The following ASTN1 variants were observed in gnomAD, a reference collection of about 807,000 sequenced individuals.
ASTN1 encodes astrotactin 1.
Under a neutral mutation model 140.7 loss-of-function variants are expected in ASTN1, and 41 were observed. The ratio of observed to expected loss-of-function variants is 0.29; its 90% CI spans 0.23 to 0.38. ASTN1 has a LOEUF of 0.38. Among genes scored for constraint, ASTN1 ranks in the 10% least tolerant of loss-of-function variants. ASTN1 has a pLI of 1.00. For synonymous variants in ASTN1, 640 were observed against 652.2 expected (o/e 0.98, Z 0.29); for missense variants, 1,479 against 1,678.8 (o/e 0.88, Z 2.08).
chr1:176,928,842 C>T (rs554066906), intron 16 of ASTN1, among the ~76,000 whole-genome samples: 5 of 152,210 alleles, frequency 3.3e-5, no homozygotes, highest in East Asian at 1.9e-4. Flanking sequence ...ATGTGTTGAT[C>T]GTCAGGGCCT....
intron 2 of ASTN1, among the ~76,000 whole-genome samples, chr1:177,044,749 G>A (rs975345879): frequency 2.0e-5 from 3 of 152,350 alleles, no homozygotes; most frequent in East Asian, 1.9e-4. Flanking sequence ...GACATCATCC[G>A]CTGGGCCAGT....
chr1:177,102,423 T>C (rs956184750), intron 1 of ASTN1, among the ~76,000 whole-genome samples: 2 of 152,172 alleles, frequency 1.3e-5, no homozygotes, highest in Admixed American at 6.5e-5. Flanking sequence ...CATCAGACTC[T>C]TTCCATTCCA....
chr1:177,059,007 C>T (rs941251630), intron 2 of ASTN1, among the ~76,000 whole-genome samples: 1 of 152,130 alleles, frequency 6.6e-6, no homozygotes, highest in African/African-American at 2.4e-5. Context: ...CCCTAGACTC[C>T]CCTTCTGACA....
intron 1 of ASTN1, among the ~76,000 whole-genome samples, chr1:177,078,966 G>A (rs1325727179): frequency 6.6e-6 from 1 of 152,060 alleles, no homozygotes; most frequent in Non-Finnish European, 1.5e-5. Context: ...AAAAAAGTCT[G>A]GTTTGTTTAT....
At chr1:176,970,591 A>G (rs138568617) in intron 8 of ASTN1, among the ~76,000 whole-genome samples, 37 of 136,206 alleles carry the variant, frequency 2.7e-4, no homozygotes, top group African/African-American at 7.5e-4. Context: ...AGGTAGGTAG[A>G]TAGATAGATA....
rs11484575 is a variant in ASTN1, at chr1:177,142,904, G to A, written c.283+21490C>T. ...AAGGAGCAAGGAGGAAAAAAAAAAA[G>A]GGGGGGAGGGGTGCTGAGTTTCAAG... On this transcript the variant is annotated intron_variant, in intron 1 of 22. Transcript: ENST00000361833. Among the ~76,000 whole-genome samples, 32 of 132,716 alleles carry A rather than the reference G, an allele frequency of 2.4e-4. 1 individual carries two copies. Among genetic ancestry groups the A allele is most frequent in the African/African-American group, 1.1e-3 (30 of 28,562 alleles). The allele number at this position is 132,716 out of a possible 152,430, so 87.1% of individuals were successfully genotyped here. A position where few individuals can be genotyped will look rare whatever the true frequency, so the allele number is the denominator to read the frequency against.
chr1:177,104,773 C>T (rs550867376), intron 1 of ASTN1, among the ~76,000 whole-genome samples: 1 of 152,314 alleles, frequency 6.6e-6, no homozygotes, highest in South Asian at 2.1e-4. Flanking sequence ...CCGACACCAG[C>T]TGCCAGTGAC....
chr1:176,862,201 T>A lies in ASTN1; in HGVS notation c.*2083A>T. On this transcript the variant is annotated 3_prime_UTR_variant, in exon 23 of 23. Transcript: ENST00000361833. ...CAGGTGGGACAGCCAATTTTTCTGCTGATCTTTGCTTTGAAAGTAGGGGAA... is the reference window on the plus strand; with the variant it reads ...CAGGTGGGACAGCCAATTTTTCTGCAGATCTTTGCTTTGAAAGTAGGGGAA... 7.1e-6 allele frequency: 7 copies of A among 985,450 alleles called. No homozygotes were observed. Among genetic ancestry groups the A allele is most frequent in the Non-Finnish European group, 8.4e-6 (7 of 829,932 alleles). 61.0% of individuals were successfully genotyped at this position (985,450 alleles called of 1,614,324 possible).
At chr1:176,985,981 C>G (rs990827906) in intron 8 of ASTN1, among the ~76,000 whole-genome samples, 4 of 151,840 alleles carry the variant, frequency 2.6e-5, no homozygotes, top group Non-Finnish European at 1.5e-5. Context: ...CTCAGGTGGC[C>G]GGTGAGCAGG....
intron 16 of ASTN1, among the ~76,000 whole-genome samples, chr1:176,925,088 C>T (rs1387004501): frequency 6.6e-6 from 1 of 152,120 alleles, no homozygotes; most frequent in Non-Finnish European, 1.5e-5. Flanking sequence ...TAGTTCAGTT[C>T]TTCAATTCTG....
At chr1:176,944,292 C>T (rs1297243068) in intron 13 of ASTN1, among the ~76,000 whole-genome samples, 1 of 152,128 alleles carries the variant, frequency 6.6e-6, no homozygotes, top group Non-Finnish European at 1.5e-5. Flanking sequence ...CATTGTCTCA[C>T]TCTGTCACCC....
chr1:177,137,951 A>G (rs1196700802), intron 1 of ASTN1, among the ~76,000 whole-genome samples: 1 of 152,234 alleles, frequency 6.6e-6, no homozygotes, highest in Non-Finnish European at 1.5e-5. Flanking sequence ...TTAAAATATC[A>G]GCACTTAAAG....
At chr1:177,115,969 G>A (rs766422349) in intron 1 of ASTN1, among the ~76,000 whole-genome samples, 8 of 152,094 alleles carry the variant, frequency 5.3e-5, no homozygotes, top group African/African-American at 1.2e-4. Flanking sequence ...TTTAGAATAC[G>A]GTTAATATCT....
At chr1:177,037,273 C>G (rs1297662377) in intron 2 of ASTN1, among the ~76,000 whole-genome samples, 1 of 152,206 alleles carries the variant, frequency 6.6e-6, no homozygotes, top group African/African-American at 2.4e-5. Flanking sequence ...AAGACTATGG[C>G]TGGAAGCATC....
chr1:176,878,986 A>G (rs1334029235), intron 20 of ASTN1, among the ~76,000 whole-genome samples: 1 of 152,094 alleles, frequency 6.6e-6, no homozygotes, highest in African/African-American at 2.4e-5. Flanking sequence ...CCAGAGGTGG[A>G]GTGGCTTTAT....
chr1:176,875,045 T>C (rs1434024432), intron 21 of ASTN1, among the ~76,000 whole-genome samples: 4 of 152,192 alleles, frequency 2.6e-5, no homozygotes, highest in African/African-American at 9.6e-5. Context: ...CATATCATTA[T>C]AATAATAAAT....
intron 17 of ASTN1, among the ~76,000 whole-genome samples, chr1:176,893,350 C>A (rs1465203508): frequency 6.6e-6 from 1 of 152,104 alleles, no homozygotes; most frequent in African/African-American, 2.4e-5. Flanking sequence ...CTATGGTGAC[C>A]CAAGCCCTCT....
Position 177,032,496 on chromosome 1 carries a change from C to T in ASTN1, c.825G>A (p.Leu275=). The T allele has an allele frequency of 4.3e-6, 7 of 1,614,130 alleles. No individual in the cohort carries two copies. The highest frequency in any genetic ancestry group is 5.9e-6 in the Non-Finnish European group (7 of 1,180,018). ...ASQVTRTLDS[L]QGCNEKSGMD... ...TCCCCGACTTTTCATTGCAGCCCTG[C>T]AGGGAGTCGAGGGTGCGCGTGACCT... The change falls in exon 3 of 23, where the codon CTG becomes CTA. Residue 275 remains leucine (L), a synonymous_variant. Transcript: ENST00000361833.
At position 177,028,312 on chromosome 1, in the gene ASTN1, G is replaced by A. The variant is rs578228231; in HGVS notation, c.1120+1322C>T. On this transcript the variant is annotated intron_variant, in intron 5 of 22. Transcript: ENST00000361833. ...TCTAAAATTTGTAATAAGTATCAAGGGAGATTGGGAGACCCTAATCCACAT... is the reference window on the plus strand; with the variant it reads ...TCTAAAATTTGTAATAAGTATCAAGAGAGATTGGGAGACCCTAATCCACAT... Among the ~76,000 whole-genome samples, 7 of 152,266 alleles carry A rather than the reference G, an allele frequency of 4.6e-5. No individual in the cohort carries two copies. In the East Asian group the frequency reaches 1.4e-3, roughly 29 times the overall value.
Sources: allele counts gnomAD v4.1 joint callset (sites outside exome capture counted in the v4.1 genomes callset), GRCh38; gene constraint gnomAD v4.1.1; transcripts MANE v1.5; gene names NCBI Gene and HGNC (gene_info 2026-07-23, HGNC 2026-07-21).